Variants in MEAF6 observed in about 807,000 individuals in gnomAD.
The protein encoded by MEAF6 is chromatin modification-related protein MEAF6.
Under a neutral mutation model 28.9 loss-of-function variants are expected in MEAF6, and 15 were observed. That is an observed-to-expected ratio of 0.52 (90% CI 0.35 to 0.80). The LOEUF (loss-of-function observed/expected upper bound fraction) is 0.80, where lower values mean the gene tolerates loss of function less well. Ranked by LOEUF, MEAF6 falls within the 30% of genes least tolerant of loss-of-function variation. MEAF6 has a pLI of 0.01. For missense variants in MEAF6, 178 were observed against 237.5 expected, an observed-to-expected ratio of 0.75 and a Z score of 1.65; for synonymous variants, 97 against 88.7, an observed-to-expected ratio of 1.09 and a Z score of -0.53.
chr1:37,507,384 G>C (rs1174786355), intron 4 of MEAF6, among the ~76,000 whole-genome samples: 2 of 151,214 alleles, frequency 1.3e-5, no homozygotes, highest in Non-Finnish European at 2.9e-5. Flanking sequence ...CAGGAGTGAG[G>C]TCCAGGGTGT....
chr1:37,514,465 C>T, intron 1 of MEAF6, 192 bp downstream of exon 1: 2 of 360,256 alleles, frequency 5.6e-6, no homozygotes, highest in Non-Finnish European at 9.9e-6. Flanking sequence ...CTCCCGGCTC[C>T]GGATTCGCAC....
chr1:37,498,409 T>TTTA (rs35576307), intron 5 of MEAF6, among the ~76,000 whole-genome samples: 8,840 of 122,410 alleles, frequency 0.072, 319 homozygotes, highest in East Asian at 0.098. Context: ...TATGTTATTT[T>TTTA]TTATTATTAT....
At chr1:37,496,230 G>A (rs1642126386) in intron 5 of MEAF6, among the ~76,000 whole-genome samples, 1 of 152,170 alleles carries the variant, frequency 6.6e-6, no homozygotes, top group Non-Finnish European at 1.5e-5. Context: ...AAGTAAGAGG[G>A]CATGCTCTAT....
In MEAF6 at chr1:37,493,619, C is replaced by G. The variant is rs1642011696; in HGVS notation, c.*480G>C. The stretch of plus-strand genomic sequence containing the variant: ...GTACAAAGGCATTACAAAAAAACCC[C>G]AAAGAAAATAAGATAAAAACAACAA... On this transcript the variant is annotated 3_prime_UTR_variant, in exon 7 of 7. Transcript: ENST00000296214. 1.3e-6 allele frequency: 1 copy of G among 749,730 alleles called. No homozygotes were observed. Among genetic ancestry groups the G allele is most frequent in the Non-Finnish European group, 2.2e-6 (1 of 447,616 alleles). 46.4% of individuals were successfully genotyped at this position (749,730 alleles called of 1,614,324 possible). A position where few individuals can be genotyped will look rare whatever the true frequency, so the allele number is the denominator to read the frequency against.
chr1:37,490,413 T>C lies in MEAF6; in HGVS notation c.*3686A>G, dbSNP rs1196970323. Among the ~76,000 whole-genome samples the C allele has an allele frequency of 1.3e-5, 2 of 152,086 alleles. No homozygotes were observed. Among genetic ancestry groups the C allele is most frequent in the Non-Finnish European group, 2.9e-5 (2 of 68,034 alleles). On this transcript the variant is annotated 3_prime_UTR_variant, in exon 7 of 7. Coordinates refer to ENST00000296214, the MANE Select transcript of MEAF6 (RefSeq NM_001270875.3). ...ACTATCATTGTATCTGACACACACATCACCTTCCTAGGCACTATGACACTA... is the reference window on the plus strand; with the variant it reads ...ACTATCATTGTATCTGACACACACACCACCTTCCTAGGCACTATGACACTA...
At chr1:37,497,332 G>A (rs949774576) in intron 5 of MEAF6, among the ~76,000 whole-genome samples, 5 of 151,940 alleles carry the variant, frequency 3.3e-5, no homozygotes, top group Non-Finnish European at 5.9e-5. Flanking sequence ...TCTGCCTCCC[G>A]GGTTCACGCC....
chr1:37,490,623 T>G lies in MEAF6; in HGVS notation c.*3476A>C, dbSNP rs1217845884. Reference sequence around the variant, plus strand: ...TCACAGAAATGATCATAGCATACTGTAGCCTTGAACTTCTGGCTTCAAGCG... The same window carrying G: ...TCACAGAAATGATCATAGCATACTGGAGCCTTGAACTTCTGGCTTCAAGCG... On this transcript the variant is annotated 3_prime_UTR_variant, in exon 7 of 7. Transcript: ENST00000296214. 2.6e-5 allele frequency among the ~76,000 whole-genome samples: 4 copies of G among 152,178 alleles called. No individual in the cohort carries two copies. Among genetic ancestry groups the G allele is most frequent in the Admixed American group, 2.6e-4 (4 of 15,270 alleles).
intron 4 of MEAF6, 32 bp from the exon 5 acceptor site, chr1:37,502,028 C>A (rs760661075): frequency 1.3e-5 from 20 of 1,569,282 alleles, no homozygotes; most frequent in Non-Finnish European, 1.7e-5. Flanking sequence ...TTTCCAAATG[C>A]ATCATCAGTA....
intron 4 of MEAF6, among the ~76,000 whole-genome samples, chr1:37,503,109 C>CT (rs1419629235): frequency 3.5e-4 from 52 of 148,526 alleles, no homozygotes; most frequent in East Asian, 9.8e-4. Flanking sequence ...CACTTGGATA[C>CT]TTTTTTTTTT....
rs148008443 is a variant in MEAF6 at position 37,505,174 on chromosome 1, G to A, written c.341-3178C>T. 2.4e-3 allele frequency among the ~76,000 whole-genome samples: 369 copies of A among 152,286 alleles called. 1 individual carries two copies. Among genetic ancestry groups the A allele is most frequent in the Non-Finnish European group, 4.1e-3 (276 of 68,024 alleles). ...TCTGGGATTATAGGCATGAGCCACC[G>A]TATCTGGCCCAGTTTTCTTCTTTCT... is the stretch of plus-strand genomic sequence containing the variant. On this transcript the variant is annotated intron_variant, in intron 4 of 6. Coordinates refer to ENST00000296214, the MANE Select transcript of MEAF6 (RefSeq NM_001270875.3).
At chr1:37,509,224 G>A in intron 4 of MEAF6, 54 bp downstream of exon 4, 1 of 1,439,388 alleles carries the variant, frequency 6.9e-7, no homozygotes, top group Non-Finnish European at 9.8e-7. Flanking sequence ...TTAAGTGTAA[G>A]GGTGATGGTA....
At chr1:37,505,270 G>A (rs776977808) in intron 4 of MEAF6, among the ~76,000 whole-genome samples, 1 of 152,154 alleles carries the variant, frequency 6.6e-6, no homozygotes, top group African/African-American at 2.4e-5. Context: ...AGAAGTAAAG[G>A]AAAGAGACAG....
At position 37,490,923 on chromosome 1, in the gene MEAF6, A is replaced by G. The variant is rs1641907507; in HGVS notation, c.*3176T>C. 6.6e-6 allele frequency among the ~76,000 whole-genome samples: 1 copy of G among 152,146 alleles called. No homozygotes were observed. ...GCGCCTGTAGTCTCAGCTACTCGAG[A>G]GGCTGAGGCGGAATAATTGCTTGAA... On this transcript the variant is annotated 3_prime_UTR_variant, in exon 7 of 7. Transcript: ENST00000296214.
chr1:37,507,453 TAA>T (rs34744420), intron 4 of MEAF6, among the ~76,000 whole-genome samples: 12 of 129,208 alleles, frequency 9.3e-5, no homozygotes, highest in Admixed American at 3.9e-4. Flanking sequence ...AAGTAAGATT[TAA>T]AAAAAAAAAA....
In MEAF6 at chr1:37,514,681, G is replaced by A. The variant is rs533610395; in HGVS notation, c.66C>T (p.Leu22=). The part of the protein sequence containing the change: ...IPDTRRELAE[L]VKRKQELAET... ...CCGCCAGCTCCTGCTTCCGCTTCAC[G>A]AGCTCCGCCAGCTCCCGCCGGGTGT... The change falls in exon 1 of 7, where the codon CTC becomes CTT. Residue 22 remains leucine, a synonymous_variant. Coordinates refer to ENST00000296214, the MANE Select transcript of MEAF6 (RefSeq NM_001270875.3). The A allele has an allele frequency of 1.8e-5, 28 of 1,544,282 alleles. No individual in the cohort carries two copies. In the East Asian group the frequency reaches 3.7e-4, roughly 21 times the overall value.
At position 37,490,748 on chromosome 1, in the gene MEAF6, C is replaced by T. The variant is rs191879454; in HGVS notation, c.*3351G>A. On this transcript the variant is annotated 3_prime_UTR_variant, in exon 7 of 7. Transcript: ENST00000296214. ...TTTAAGCAATAATGCCTCATTAGGC[C>T]GGGTGCAGTGGCTCACGCCTGTAAT... Among the ~76,000 whole-genome samples, 32 of 152,236 alleles carry T rather than the reference C, an allele frequency of 2.1e-4. No homozygotes were observed. The highest frequency in any genetic ancestry group is 7.2e-4 in the African/African-American group (30 of 41,542).
At chr1:37,498,443 T>C (rs1002696138) in intron 5 of MEAF6, among the ~76,000 whole-genome samples, 16 of 140,626 alleles carry the variant, frequency 1.1e-4, no homozygotes, top group Middle Eastern at 4.0e-3. Context: ...ATTATTATTA[T>C]TACTATTACT....
In MEAF6 at chr1:37,492,287, C is replaced by CA. The variant is rs1290612899; in HGVS notation, c.*1811dup. Among the ~76,000 whole-genome samples the CA allele has an allele frequency of 1.3e-5, 2 of 151,846 alleles. No individual in the cohort carries two copies. The highest frequency in any genetic ancestry group is 2.9e-5 in the Non-Finnish European group (2 of 67,966). ...TCGTGATCCGCCCGCTTCGGCCTCC[C>CA]AAAGTGCTGGGATTACAGGTGTGAG... On this transcript the variant is annotated 3_prime_UTR_variant, in exon 7 of 7. Coordinates refer to ENST00000296214, the MANE Select transcript of MEAF6 (RefSeq NM_001270875.3).
intron 2 of MEAF6, 125 bp from the exon 3 acceptor site, chr1:37,509,667 T>C: frequency 2.7e-6 from 2 of 742,040 alleles, no homozygotes; most frequent in South Asian, 3.8e-5. Flanking sequence ...AAACGACCTT[T>C]ATGCTGAACA....
Sources: gnomAD v4.1 joint callset for allele counts (sites outside exome capture counted in the v4.1 genomes callset) on GRCh38, gnomAD v4.1.1 for gene constraint, MANE v1.5 for transcripts, NCBI Gene and HGNC (gene_info 2026-07-23, HGNC 2026-07-21) for gene names.